MACROD2: variants seen among roughly 807,000 people sequenced by gnomAD.
MACROD2 encodes the protein ADP-ribose glycohydrolase MACROD2.
In MACROD2, 36 loss-of-function variants were observed where a neutral mutation model predicts 70.4. The observed-to-expected ratio is 0.51, with a 90% CI of 0.39 to 0.68. The LOEUF (loss-of-function observed/expected upper bound fraction) is 0.68, where lower values mean the gene tolerates loss of function less well. Among genes scored for constraint, MACROD2 ranks in the 30% least tolerant of loss-of-function variants. The pLI is 0.00. For missense variants in MACROD2, 496 were observed against 538.4 expected (o/e 0.92, Z 0.78); for synonymous variants, 172 against 178.8 (o/e 0.96, Z 0.30).
rs1033074174 is a variant in MACROD2, at chr20:14,156,173, T to A, written c.271+70445T>A. 7.2e-5 allele frequency among the ~76,000 whole-genome samples: 11 copies of A among 152,048 alleles called. 1 individual carries two copies. The highest frequency in any genetic ancestry group is 2.6e-4 in the Admixed American group (4 of 15,254). ...TCTCAAAAAAAATAAAAAATAAAAA[T>A]AAATCACTATGCCAATGTGGGAGTT... is the stretch of plus-strand genomic sequence containing the variant. On this transcript the variant is annotated intron_variant, in intron 3 of 17. Transcript: ENST00000684519.
intron 5 of MACROD2, among the ~76,000 whole-genome samples, chr20:15,076,964 A>C (rs1380596160): frequency 6.6e-6 from 1 of 152,198 alleles, no homozygotes; most frequent in African/African-American, 2.4e-5. Flanking sequence ...AAATTACTTC[A>C]TAAAAGTGCT....
At chr20:15,892,487 G>C (rs898899939) in intron 10 of MACROD2, among the ~76,000 whole-genome samples, 2 of 152,136 alleles carry the variant, frequency 1.3e-5, no homozygotes, top group African/African-American at 4.8e-5. Context: ...ATAGAAGCAG[G>C]GTAATTTCTA....
chr20:14,583,655 G>T (rs1981187574), intron 4 of MACROD2, among the ~76,000 whole-genome samples: 1 of 152,126 alleles, frequency 6.6e-6, no homozygotes, highest in Non-Finnish European at 1.5e-5. Flanking sequence ...ACTCATCTAT[G>T]AAACAGGAAT....
intron 5 of MACROD2, among the ~76,000 whole-genome samples, chr20:15,142,301 G>C (rs917885205): frequency 1.3e-5 from 2 of 152,054 alleles, no homozygotes; most frequent in Admixed American, 6.6e-5. Flanking sequence ...AGGATCAAAG[G>C]TTTTTGATAA....
intron 5 of MACROD2, among the ~76,000 whole-genome samples, chr20:14,985,156 A>G (rs1600909774): frequency 6.6e-6 from 1 of 152,018 alleles, no homozygotes; most frequent in African/African-American, 2.4e-5. Flanking sequence ...TAATTTCAAA[A>G]CTCCCAAGAC....
chr20:14,555,510 GAGAATTAAAAGCAAAC>G (rs1450566756), intron 4 of MACROD2, among the ~76,000 whole-genome samples: 1 of 151,958 alleles, frequency 6.6e-6, no homozygotes, highest in Admixed American at 6.6e-5. Context: ...AATTCTTCAA[GAGAATTAAAAGCAAAC>G]GGAGCCCATA....
At chr20:14,837,852 T>TCC (rs1462089027) in intron 5 of MACROD2, among the ~76,000 whole-genome samples, 1 of 151,708 alleles carries the variant, frequency 6.6e-6, no homozygotes, top group East Asian at 1.9e-4. Flanking sequence ...CATGCAAGGC[T>TCC]CCACAGGGTG....
intron 10 of MACROD2, among the ~76,000 whole-genome samples, chr20:15,930,905 CT>C (rs1434319108): frequency 6.6e-6 from 1 of 152,214 alleles, no homozygotes; most frequent in East Asian, 1.9e-4. Flanking sequence ...AATTTAACTG[CT>C]GTTTTTCTTT....
chr20:15,586,651 C>T (rs2146658350), intron 8 of MACROD2, among the ~76,000 whole-genome samples: 1 of 152,186 alleles, frequency 6.6e-6, no homozygotes, highest in African/African-American at 2.4e-5. Context: ...TATCATTATT[C>T]TGGAGGTATT....
chr20:15,976,047 A>G (rs1030330444), intron 13 of MACROD2, among the ~76,000 whole-genome samples: 2 of 152,256 alleles, frequency 1.3e-5, no homozygotes, highest in South Asian at 4.1e-4. Context: ...CAACACAAGC[A>G]TCAAAGAAAC....
chr20:15,052,021 G>A (rs2123055425), intron 5 of MACROD2, among the ~76,000 whole-genome samples: 1 of 152,266 alleles, frequency 6.6e-6, no homozygotes, highest in East Asian at 1.9e-4. Flanking sequence ...AAAGTGCTGG[G>A]ATCACAGGTG....
chr20:15,030,738 G>T (rs1425062066), intron 5 of MACROD2, among the ~76,000 whole-genome samples: 1 of 152,180 alleles, frequency 6.6e-6, no homozygotes, highest in African/African-American at 2.4e-5. Flanking sequence ...AGATGCACCT[G>T]TCAAAGTGAC....
rs79784646 is a variant in MACROD2 at position 14,785,055 on chromosome 20, T to G, written c.418+100096T>G. ...CTCCTTAAAAAAAGACAGTGCCCAT[T>G]TAGTTATCCTTTAATAATTTCAATT... On this transcript the variant is annotated intron_variant, in intron 5 of 17. Coordinates refer to ENST00000684519, the MANE Select transcript of MACROD2 (RefSeq NM_001351661.2). Among the ~76,000 whole-genome samples the G allele has an allele frequency of 2.4e-4, 36 of 152,168 alleles. No individual in the cohort carries two copies. In the East Asian group the frequency reaches 7.0e-3, roughly 29 times the overall value.
chr20:14,628,454 ATGG>A (rs1203348853), intron 4 of MACROD2, among the ~76,000 whole-genome samples: 4 of 152,140 alleles, frequency 2.6e-5, no homozygotes, highest in African/African-American at 9.7e-5. Context: ...AATGTGGGTG[ATGG>A]ACTGGATGTG....
chr20:15,489,700 T>A lies in MACROD2; in HGVS notation c.572-10074T>A, dbSNP rs529091326. ...ACAGGGGCTTCCAATCTGATTTCCT[T>A]TCTTTGGGGTTTCAAACCGTGTAAC... On this transcript the variant is annotated intron_variant, in intron 7 of 17. Transcript: ENST00000684519. Among the ~76,000 whole-genome samples the A allele has an allele frequency of 3.3e-5, 5 of 152,204 alleles. No homozygotes were observed. In the East Asian group the frequency reaches 9.7e-4, roughly 29 times the overall value.
At position 15,731,014 on chromosome 20, in the gene MACROD2, G is replaced by T; in HGVS notation, c.646-131731G>T. Among the ~76,000 whole-genome samples, 2 of 58,450 alleles carry T rather than the reference G, an allele frequency of 3.4e-5. 1 individual carries two copies. The highest frequency in any genetic ancestry group is 9.6e-5 in the Non-Finnish European group (2 of 20,768). The allele number at this position is 58,450 out of a possible 152,430, so 38.3% of individuals were successfully genotyped here. A position where few individuals can be genotyped will look rare whatever the true frequency, so the allele number is the denominator to read the frequency against. Reference sequence around the variant, plus strand: ...TGAAACTCTTGAGGTGAGTTTTTCAGCTCTATCAGATCAGTTTGGTTGTTT... The same window carrying T: ...TGAAACTCTTGAGGTGAGTTTTTCATCTCTATCAGATCAGTTTGGTTGTTT... On this transcript the variant is annotated intron_variant, in intron 8 of 17. Transcript: ENST00000684519.
chr20:15,135,172 C>A (rs2076137108), intron 5 of MACROD2, among the ~76,000 whole-genome samples: 1 of 151,246 alleles, frequency 6.6e-6, no homozygotes, highest in East Asian at 2.0e-4. Flanking sequence ...TGAAACTATT[C>A]CAATCAATAG....
intron 3 of MACROD2, among the ~76,000 whole-genome samples, chr20:14,480,565 G>A (rs1418729344): frequency 6.6e-6 from 1 of 152,120 alleles, no homozygotes; most frequent in Non-Finnish European, 1.5e-5. Flanking sequence ...ATTTTTAAAA[G>A]CCTCTGTAGT....
chr20:14,331,045 A>C lies in MACROD2; in HGVS notation c.272-162434A>C, dbSNP rs186823155. 1.0e-3 allele frequency among the ~76,000 whole-genome samples: 159 copies of C among 152,232 alleles called. 1 individual carries two copies. Among genetic ancestry groups the C allele is most frequent in the African/African-American group, 3.7e-3 (154 of 41,564 alleles). Reference sequence around the variant, plus strand: ...AATAACAAGTGAGAACCTGCTTAAAATGTTACCAAGAGTCAAGCATTTCTG... The same window carrying C: ...AATAACAAGTGAGAACCTGCTTAAACTGTTACCAAGAGTCAAGCATTTCTG... On this transcript the variant is annotated intron_variant, in intron 3 of 17. Coordinates refer to ENST00000684519, the MANE Select transcript of MACROD2 (RefSeq NM_001351661.2).
Sources: gnomAD v4.1 joint callset for allele counts (sites outside exome capture counted in the v4.1 genomes callset) on GRCh38, gnomAD v4.1.1 for gene constraint, MANE v1.5 for transcripts, NCBI Gene and HGNC (gene_info 2026-07-23, HGNC 2026-07-21) for gene names.